The following DIAPH3 variants were observed in gnomAD, a reference collection of about 807,000 sequenced individuals.
DIAPH3 encodes the protein diaphanous related formin 3, also known as protein diaphanous homolog 3.
DIAPH3 carries 117 observed loss-of-function variants against 144.3 expected under a neutral mutation model. The ratio of observed to expected loss-of-function variants is 0.81; its 90% CI spans 0.70 to 0.95. The LOEUF (loss-of-function observed/expected upper bound fraction) is 0.95. Among genes scored for constraint, DIAPH3 ranks in the 40% least tolerant of loss-of-function variants. The pLI is 0.00. For missense variants in DIAPH3, 1,421 were observed against 1,412.7 expected (o/e 1.01, Z -0.09); for synonymous variants, 519 against 488.9 (o/e 1.06, Z -0.81).
At chr13:60,000,767 C>T (rs2052475856) in intron 9 of DIAPH3, among the ~76,000 whole-genome samples, 1 of 152,196 alleles carries the variant, frequency 6.6e-6, no homozygotes, top group African/African-American at 2.4e-5. Flanking sequence ...ATAATTATTT[C>T]TCCTCTCTGG....
intron 2 of DIAPH3, among the ~76,000 whole-genome samples, chr13:60,124,438 C>T (rs753297847): frequency 1.3e-5 from 2 of 152,140 alleles, no homozygotes; most frequent in Non-Finnish European, 1.5e-5. Flanking sequence ...CAGTCCAACA[C>T]CTCACTATTT....
chr13:60,018,012 T>C (rs986326329), intron 5 of DIAPH3, among the ~76,000 whole-genome samples: 6 of 152,214 alleles, frequency 3.9e-5, no homozygotes, highest in African/African-American at 1.4e-4. Flanking sequence ...TCTGAATTTA[T>C]TCCTATTTCA....
intron 17 of DIAPH3, among the ~76,000 whole-genome samples, chr13:59,963,212 T>C (rs912934602): frequency 2.1e-4 from 32 of 152,164 alleles, no homozygotes; most frequent in Non-Finnish European, 3.7e-4. Context: ...AAAGCTTCTA[T>C]TAAATGCACA....
chr13:59,955,096 A>C (rs1202871976), intron 17 of DIAPH3, among the ~76,000 whole-genome samples: 1 of 147,506 alleles, frequency 6.8e-6, no homozygotes, highest in Non-Finnish European at 1.5e-5. Context: ...ATATATATAC[A>C]TGTATATATA....
intron 20 of DIAPH3, among the ~76,000 whole-genome samples, chr13:59,906,585 T>C (rs1212461444): frequency 6.6e-6 from 1 of 152,164 alleles, no homozygotes; most frequent in Non-Finnish European, 1.5e-5. Flanking sequence ...TAAAAAGGCC[T>C]CAGCTGCACA....
intron 1 of DIAPH3, among the ~76,000 whole-genome samples, chr13:60,139,812 G>A (rs1339062757): frequency 6.6e-6 from 1 of 152,140 alleles, no homozygotes; most frequent in Non-Finnish European, 1.5e-5. Context: ...AAAATATAAT[G>A]GCTAATTTAG....
At position 60,015,883 on chromosome 13, in the gene DIAPH3, C is replaced by T. The variant is rs376774919; in HGVS notation, c.771+30G>A. ...AAATCATATATTACAAAATTGGTGA[C>T]GGACAAATACTAATTACGTATGTAC... On this transcript the variant is annotated intron_variant, in intron 7 of 27. Transcript: ENST00000400324. 484 of 1,576,240 alleles carry T rather than the reference C, an allele frequency of 3.1e-4. 1 individual carries two copies. Among genetic ancestry groups the T allele is most frequent in the Middle Eastern group, 8.3e-4 (4 of 4,840 alleles).
intron 4 of DIAPH3, among the ~76,000 whole-genome samples, chr13:60,062,660 T>C (rs929004086): frequency 1.3e-5 from 2 of 152,144 alleles, no homozygotes; most frequent in Non-Finnish European, 2.9e-5. Flanking sequence ...CTCAGAGATA[T>C]TGCAGGATCA....
intron 17 of DIAPH3, among the ~76,000 whole-genome samples, chr13:59,969,124 G>C (rs969613539): frequency 6.6e-6 from 1 of 152,130 alleles, no homozygotes; most frequent in African/African-American, 2.4e-5. Flanking sequence ...GCCTTGAAAT[G>C]TAAGTAGCAG....
At chr13:59,843,414 G>T (rs1399564336) in intron 22 of DIAPH3, among the ~76,000 whole-genome samples, 1 of 152,122 alleles carries the variant, frequency 6.6e-6, no homozygotes, top group Non-Finnish European at 1.5e-5. Context: ...AGGTGGGAGA[G>T]GGACTTAGTC....
chr13:60,146,527 T>G (rs1951531020), intron 1 of DIAPH3, among the ~76,000 whole-genome samples: 1 of 152,238 alleles, frequency 6.6e-6, no homozygotes, highest in South Asian at 2.1e-4. Context: ...AGAATGGGAT[T>G]TGATACAGAG....
chr13:59,898,178 AAG>A (rs1196989011), intron 20 of DIAPH3, among the ~76,000 whole-genome samples: 1 of 151,738 alleles, frequency 6.6e-6, no homozygotes, highest in Non-Finnish European at 1.5e-5. Context: ...AAGAAAAAAA[AAG>A]AGAATGATAA....
intron 20 of DIAPH3, among the ~76,000 whole-genome samples, chr13:59,892,152 G>T (rs892216670): frequency 2.0e-5 from 3 of 151,782 alleles, no homozygotes; most frequent in Non-Finnish European, 4.4e-5. Context: ...AAAAATAAAC[G>T]CTATAAATAA....
intron 3 of DIAPH3, among the ~76,000 whole-genome samples, chr13:60,094,151 AAACC>A (rs1391532758): frequency 6.6e-6 from 1 of 152,236 alleles, no homozygotes; most frequent in Middle Eastern, 3.2e-3. Flanking sequence ...AAAGGTAAAT[AAACC>A]AACCAATTTT....
intron 27 of DIAPH3, among the ~76,000 whole-genome samples, chr13:59,756,520 G>C (rs867225070): frequency 6.8e-6 from 1 of 146,182 alleles, no homozygotes; most frequent in Non-Finnish European, 1.5e-5. Flanking sequence ...CAGGTAGTCA[G>C]GCAGGCAGGG....
chr13:59,983,741 T>C, intron 13 of DIAPH3, 28 bp downstream of exon 13: 1 of 1,413,928 alleles, frequency 7.1e-7, no homozygotes, highest in Non-Finnish European at 1.0e-6. Context: ...GACAATAAGA[T>C]ATTTCTATTT....
intron 2 of DIAPH3, among the ~76,000 whole-genome samples, chr13:60,117,528 T>C (rs1248484800): frequency 6.6e-6 from 1 of 152,082 alleles, no homozygotes; most frequent in African/African-American, 2.4e-5. Flanking sequence ...CCGTGCCCTA[T>C]TGAGCACTCC....
chr13:59,684,014 T>C (rs1184521233), intron 27 of DIAPH3, among the ~76,000 whole-genome samples: 2 of 151,356 alleles, frequency 1.3e-5, no homozygotes, highest in East Asian at 3.9e-4. Context: ...ACATACTCAG[T>C]GAAGTTGTTG....
intron 25 of DIAPH3, among the ~76,000 whole-genome samples, chr13:59,776,162 G>C (rs1371617994): frequency 6.6e-6 from 1 of 152,130 alleles, no homozygotes; most frequent in African/African-American, 2.4e-5. Flanking sequence ...GATGAAAAGT[G>C]AATGCAGTAG....
Sources: gnomAD v4.1 joint callset for allele counts (sites outside exome capture counted in the v4.1 genomes callset) on GRCh38, gnomAD v4.1.1 for gene constraint, MANE v1.5 for transcripts, NCBI Gene and HGNC (gene_info 2026-07-23, HGNC 2026-07-21) for gene names.